Variants in CDH18 observed in about 807,000 individuals in gnomAD.
CDH18 encodes the protein cadherin-18.
CDH18 carries 31 observed loss-of-function variants against 67.9 expected under a neutral mutation model. The ratio of observed to expected loss-of-function variants is 0.46; its 90% CI spans 0.34 to 0.62. CDH18 has a LOEUF of 0.62. CDH18 is among the 20% of genes least tolerant of loss of function. The pLI, the probability that CDH18 is intolerant of heterozygous loss-of-function variation, is 0.01. For synonymous variants in CDH18, 362 were observed against 347.2 expected, an observed-to-expected ratio of 1.04 and a Z score of -0.48; for missense variants, 890 against 975.5, an observed-to-expected ratio of 0.91 and a Z score of 1.17.
intron 5 of CDH18, among the ~76,000 whole-genome samples, chr5:19,636,834 A>G (rs1332006628): frequency 6.6e-6 from 1 of 152,084 alleles, no homozygotes; most frequent in East Asian, 1.9e-4. Context: ...TGAAATCAGG[A>G]TAAGATATAT....
chr5:19,991,549 CTATT>C (rs1426839568), upstream of CDH18, among the ~76,000 whole-genome samples: 3 of 152,000 alleles, frequency 2.0e-5, no homozygotes, highest in South Asian at 2.1e-4. Flanking sequence ...TTCTCTGCAA[CTATT>C]TATTTTATGT....
rs191335057 is a variant in CDH18, at chr5:19,560,954, T to C, written c.1253+10625A>G. On this transcript the variant is annotated intron_variant, in intron 8 of 12. Coordinates refer to ENST00000382275, the MANE Select transcript of CDH18 (RefSeq NM_004934.5). ...AGGGAACTGCAAATCAAAATCACAA[T>C]GTGATACCACCTCACTTCTACAAGA... Among the ~76,000 whole-genome samples, 616 of 152,214 alleles carry C rather than the reference T, an allele frequency of 4.0e-3. 17 individuals are homozygous for C. The highest frequency in any genetic ancestry group is 0.038 in the Admixed American group (581 of 15,274).
At position 19,856,888 on chromosome 5, in the gene CDH18, T is replaced by A. The variant is rs190354360; in HGVS notation, c.-256-17646A>T. ...AAATGAACACACTCACTGACTCGAT[T>A]TTTTTTTCTTTCTAAAAGTAATAAA... is the stretch of plus-strand genomic sequence containing the variant. On this transcript the variant is annotated intron_variant, in intron 2 of 12. Coordinates refer to ENST00000382275, the MANE Select transcript of CDH18 (RefSeq NM_004934.5). 2.9e-3 allele frequency among the ~76,000 whole-genome samples: 441 copies of A among 152,134 alleles called. 4 individuals carry two copies. The highest frequency in any genetic ancestry group is 0.01 in the African/African-American group (429 of 41,520).
intron 1 of CDH18, among the ~76,000 whole-genome samples, chr5:20,292,155 C>T (rs1747150789): frequency 6.6e-6 from 1 of 152,124 alleles, no homozygotes; most frequent in Non-Finnish European, 1.5e-5. Context: ...TGAAGGCATT[C>T]GCTATTGGCA....
At chr5:19,844,959 T>C (rs1343742109) in intron 2 of CDH18, among the ~76,000 whole-genome samples, 1 of 152,186 alleles carries the variant, frequency 6.6e-6, no homozygotes, top group East Asian at 1.9e-4. Context: ...AATTGACTTC[T>C]GGTGTTTGAA....
intron 5 of CDH18, among the ~76,000 whole-genome samples, chr5:19,702,640 C>T (rs1181430953): frequency 1.3e-5 from 2 of 151,998 alleles, no homozygotes; most frequent in Admixed American, 1.3e-4. Flanking sequence ...TAGTGGCGTG[C>T]ACCTGTAATC....
At chr5:19,618,490 G>A (rs2150132123) in intron 5 of CDH18, among the ~76,000 whole-genome samples, 1 of 152,250 alleles carries the variant, frequency 6.6e-6, no homozygotes, top group Non-Finnish European at 1.5e-5. Flanking sequence ...ACAGGCACGA[G>A]CCACCGTGCC....
intron 1 of CDH18, among the ~76,000 whole-genome samples, chr5:20,362,263 G>A (rs924339333): frequency 5.3e-5 from 8 of 152,042 alleles, no homozygotes; most frequent in African/African-American, 1.7e-4. Context: ...ATAGTACACT[G>A]TGGCACAGCT....
chr5:19,732,808 C>G (rs963479213), intron 4 of CDH18, among the ~76,000 whole-genome samples: 2 of 152,066 alleles, frequency 1.3e-5, no homozygotes, highest in Non-Finnish European at 2.9e-5. Flanking sequence ...AGATTCTTTC[C>G]TTTTAACTGT....
At chr5:19,586,636 C>T (rs981533349) in intron 7 of CDH18, among the ~76,000 whole-genome samples, 1 of 152,098 alleles carries the variant, frequency 6.6e-6, no homozygotes, top group Non-Finnish European at 1.5e-5. Flanking sequence ...GATTCCATGT[C>T]TTTACTATTG....
intron 1 of CDH18, among the ~76,000 whole-genome samples, chr5:20,511,464 A>AG (rs1430419628): frequency 4.6e-5 from 7 of 152,170 alleles, no homozygotes; most frequent in African/African-American, 1.7e-4. Flanking sequence ...TAATACTGGG[A>AG]GAAAAAAAAG....
intron 2 of CDH18, among the ~76,000 whole-genome samples, chr5:20,203,684 G>T (rs1038513941): frequency 1.1e-4 from 17 of 148,192 alleles, no homozygotes; most frequent in African/African-American, 4.2e-4. Context: ...TTGGAATAAA[G>T]AACTAATCCT....
chr5:19,609,600 C>T (rs552927346), intron 6 of CDH18, among the ~76,000 whole-genome samples: 5 of 151,966 alleles, frequency 3.3e-5, no homozygotes, highest in African/African-American at 1.2e-4. Flanking sequence ...AACTAATTAC[C>T]ATGCAATATA....
At chr5:20,067,840 G>A (rs1389981761) in intron 2 of CDH18, among the ~76,000 whole-genome samples, 1 of 152,020 alleles carries the variant, frequency 6.6e-6, no homozygotes, top group African/African-American at 2.4e-5. Flanking sequence ...AAATGCAGAT[G>A]TTAGACATTA....
At chr5:20,470,695 G>A (rs561517394) in intron 1 of CDH18, among the ~76,000 whole-genome samples, 2 of 152,232 alleles carry the variant, frequency 1.3e-5, no homozygotes, top group East Asian at 3.9e-4. Flanking sequence ...CTATGCAATA[G>A]CATTGTGGAA....
At chr5:19,646,812 A>T (rs1754816019) in intron 5 of CDH18, among the ~76,000 whole-genome samples, 1 of 152,206 alleles carries the variant, frequency 6.6e-6, no homozygotes, top group African/African-American at 2.4e-5. Context: ...AGTATCTTAT[A>T]AATGACAACA....
intron 2 of CDH18, among the ~76,000 whole-genome samples, chr5:20,217,006 C>T (rs1740833555): frequency 6.6e-6 from 1 of 151,586 alleles, no homozygotes; most frequent in Non-Finnish European, 1.5e-5. Context: ...AAGGAAAATA[C>T]ATATATATAA....
intron 2 of CDH18, among the ~76,000 whole-genome samples, chr5:20,050,486 T>C (rs1741322101): frequency 6.6e-6 from 1 of 151,876 alleles, no homozygotes; most frequent in Non-Finnish European, 1.5e-5. Flanking sequence ...TAAGCTCACA[T>C]TGTAGTTATT....
intron 1 of CDH18, among the ~76,000 whole-genome samples, chr5:20,540,184 G>C (rs949308890): frequency 6.6e-5 from 10 of 152,124 alleles, no homozygotes; most frequent in African/African-American, 2.4e-4. Flanking sequence ...AGAGAGACTT[G>C]TGTCTTCTAG....
Sources: gnomAD v4.1 joint callset for allele counts (sites outside exome capture counted in the v4.1 genomes callset) on GRCh38, gnomAD v4.1.1 for gene constraint, MANE v1.5 for transcripts, NCBI Gene and HGNC (gene_info 2026-07-23, HGNC 2026-07-21) for gene names.